The following LRRC4C variants were observed in gnomAD, a reference collection of about 807,000 sequenced individuals.
LRRC4C encodes leucine rich repeat containing 4C, also known as leucine-rich repeat-containing protein 4C.
A neutral mutation model predicts 33.6 loss-of-function variants in LRRC4C; 5 were observed. The observed-to-expected ratio is 0.15, with a 90% CI of 0.08 to 0.31. The LOEUF is 0.31. Ranked by LOEUF, LRRC4C falls within the 10% of genes least tolerant of loss-of-function variation. LRRC4C has a pLI of 1.00. For missense variants in LRRC4C, 560 were observed against 796.7 expected (o/e 0.70, Z 3.58); for synonymous variants, 329 against 302.0 (o/e 1.09, Z -0.93).
chr11:41,436,759 T>C (rs1176726088), intron 1 of LRRC4C, among the ~76,000 whole-genome samples: 3 of 152,176 alleles, frequency 2.0e-5, no homozygotes, highest in African/African-American at 7.2e-5. Context: ...CAACACAGCA[T>C]CAAATGACCT....
chr11:40,835,707 T>C (rs1401826165), intron 2 of LRRC4C, among the ~76,000 whole-genome samples: 1 of 152,170 alleles, frequency 6.6e-6, no homozygotes, highest in Non-Finnish European at 1.5e-5. Flanking sequence ...CATAAGCCCA[T>C]TGGTATTTGA....
intron 2 of LRRC4C, among the ~76,000 whole-genome samples, chr11:40,878,208 G>T (rs1397923660): frequency 6.6e-6 from 1 of 152,088 alleles, no homozygotes; most frequent in Non-Finnish European, 1.5e-5. Context: ...CTGACTTAAA[G>T]CCCGCCACCA....
chr11:40,823,279 C>T (rs1952018809), intron 2 of LRRC4C, among the ~76,000 whole-genome samples: 1 of 151,198 alleles, frequency 6.6e-6, no homozygotes, highest in Admixed American at 6.6e-5. Flanking sequence ...GGTGAATGTC[C>T]TTAGTTAGAT....
chr11:40,882,005 C>A (rs1222557428), intron 2 of LRRC4C, among the ~76,000 whole-genome samples: 2 of 151,922 alleles, frequency 1.3e-5, no homozygotes, highest in African/African-American at 2.4e-5. Context: ...TTATAAACAC[C>A]CAGATAGTAA....
rs552865492 is a variant in LRRC4C, at chr11:40,783,129, T to C, written c.-406-134851A>G. The stretch of plus-strand genomic sequence containing the variant: ...CCCTTAAAAATACCACTGTTAATAA[T>C]ATTTTCTTAAATGCAGCGAAGTTTG... On this transcript the variant is annotated intron_variant, in intron 2 of 6. Transcript: ENST00000528697. Among the ~76,000 whole-genome samples the C allele has an allele frequency of 5.3e-5, 8 of 152,276 alleles. No homozygotes were observed. In the South Asian group the frequency reaches 1.4e-3, roughly 28 times the overall value.
At chr11:40,880,071 C>A (rs1955092328) in intron 2 of LRRC4C, among the ~76,000 whole-genome samples, 2 of 152,074 alleles carry the variant, frequency 1.3e-5, no homozygotes, top group Admixed American at 1.3e-4. Flanking sequence ...CATTTGAAAC[C>A]AGCTGCCATG....
chr11:41,213,291 A>G (rs939028508), intron 1 of LRRC4C, among the ~76,000 whole-genome samples: 2 of 152,248 alleles, frequency 1.3e-5, no homozygotes, highest in Non-Finnish European at 2.9e-5. Context: ...ATGTGATAAT[A>G]TAACAAGTCC....
intron 3 of LRRC4C, among the ~76,000 whole-genome samples, chr11:40,527,067 A>G (rs1230505101): frequency 6.6e-6 from 1 of 152,182 alleles, no homozygotes; most frequent in African/African-American, 2.4e-5. Flanking sequence ...TAAACAGGCA[A>G]AATTAATTTA....
chr11:41,217,740 G>A (rs1055060664), intron 1 of LRRC4C, among the ~76,000 whole-genome samples: 3 of 152,096 alleles, frequency 2.0e-5, no homozygotes, highest in Non-Finnish European at 2.9e-5. Context: ...CTTGTTGGCT[G>A]CAATGTGCAT....
chr11:40,379,802 G>A (rs114503213), intron 3 of LRRC4C, among the ~76,000 whole-genome samples: 5,487 of 152,162 alleles, frequency 0.036, 308 homozygotes, highest in African/African-American at 0.12. Context: ...TGATACATGC[G>A]TTGTGCTCAA....
chr11:40,342,692 T>C (rs1201213284), intron 3 of LRRC4C, among the ~76,000 whole-genome samples: 3 of 152,180 alleles, frequency 2.0e-5, no homozygotes, highest in African/African-American at 7.2e-5. Context: ...GTAATGTTCT[T>C]TTTGATGTGA....
At chr11:40,366,347 G>T (rs1948207649) in intron 3 of LRRC4C, among the ~76,000 whole-genome samples, 1 of 151,980 alleles carries the variant, frequency 6.6e-6, no homozygotes, top group Admixed American at 6.6e-5. Context: ...AAGCATTTAA[G>T]ACAGGCTTAA....
chr11:40,438,923 C>T (rs751649920), intron 3 of LRRC4C, among the ~76,000 whole-genome samples: 3 of 132,750 alleles, frequency 2.3e-5, no homozygotes, highest in South Asian at 2.5e-4. Flanking sequence ...TTATGAATTG[C>T]TACTTTTTTT....
At chr11:40,173,855 T>G (rs569312705) in intron 5 of LRRC4C, among the ~76,000 whole-genome samples, 1 of 152,314 alleles carries the variant, frequency 6.6e-6, no homozygotes, top group African/African-American at 2.4e-5. Context: ...TAAACCAAGG[T>G]ATTCAATGAA....
At chr11:41,031,775 T>G (rs1227394072) in intron 1 of LRRC4C, among the ~76,000 whole-genome samples, 1 of 152,010 alleles carries the variant, frequency 6.6e-6, no homozygotes, top group Non-Finnish European at 1.5e-5. Flanking sequence ...TGGAAAATCA[T>G]CAGTCTAAGT....
intron 4 of LRRC4C, among the ~76,000 whole-genome samples, chr11:40,304,602 G>T (rs534127693): frequency 8.5e-5 from 13 of 152,208 alleles, no homozygotes; most frequent in African/African-American, 2.6e-4. Flanking sequence ...AGACAAGAAA[G>T]TCTAGTGAAA....
At chr11:40,183,161 C>T (rs1233175507) in intron 5 of LRRC4C, among the ~76,000 whole-genome samples, 1 of 152,042 alleles carries the variant, frequency 6.6e-6, no homozygotes, top group Non-Finnish European at 1.5e-5. Flanking sequence ...TGTAAGAATG[C>T]ACATACTGTA....
chr11:41,340,171 A>G (rs934380665), intron 1 of LRRC4C, among the ~76,000 whole-genome samples: 4 of 152,178 alleles, frequency 2.6e-5, no homozygotes, highest in African/African-American at 9.7e-5. Context: ...AGGACGAAAG[A>G]ATTGACTGGC....
intron 3 of LRRC4C, among the ~76,000 whole-genome samples, chr11:40,560,527 C>G (rs1011167736): frequency 6.6e-6 from 1 of 151,722 alleles, no homozygotes; most frequent in Non-Finnish European, 1.5e-5. Flanking sequence ...TATTTTCCCA[C>G]TTTATTTGCG....
Sources: allele counts gnomAD v4.1 joint callset (sites outside exome capture counted in the v4.1 genomes callset), GRCh38; gene constraint gnomAD v4.1.1; transcripts MANE v1.5; gene names NCBI Gene and HGNC (gene_info 2026-07-23, HGNC 2026-07-21).